Variants in FRMD4B observed in about 807,000 individuals in gnomAD.
FRMD4B encodes FERM domain containing 4B.
FRMD4B carries 74 observed loss-of-function variants against 141.5 expected under a neutral mutation model. The observed-to-expected ratio is 0.52, with a 90% CI of 0.43 to 0.63. FRMD4B has a LOEUF of 0.63. FRMD4B is among the 30% of genes least tolerant of loss of function. The pLI, the probability that FRMD4B is intolerant of heterozygous loss-of-function variation, is 0.00. For synonymous variants in FRMD4B, 506 were observed against 467.9 expected (o/e 1.08, Z -1.05); for missense variants, 1,366 against 1,253.4 (o/e 1.09, Z -1.36).
chr3:69,536,509 T>C, intron 1 of FRMD4B: 1 of 695,410 alleles, frequency 1.4e-6, no homozygotes, highest in Non-Finnish European at 2.7e-6. Flanking sequence ...CTCCCCAGCC[T>C]GCAGCGCCTC....
At chr3:69,484,201 G>A (rs1206179350) in intron 1 of FRMD4B, among the ~76,000 whole-genome samples, 4 of 152,318 alleles carry the variant, frequency 2.6e-5, no homozygotes, top group East Asian at 1.9e-4. Context: ...GGAGTGAAGA[G>A]CAACAGAAGA....
At chr3:69,519,614 G>C (rs1408780761) in intron 1 of FRMD4B, among the ~76,000 whole-genome samples, 1 of 152,002 alleles carries the variant, frequency 6.6e-6, no homozygotes, top group Admixed American at 6.6e-5. Flanking sequence ...AATGTTTCTA[G>C]AATCAAAACC....
chr3:69,352,917 C>T lies in FRMD4B; in HGVS notation c.162+32911G>A, dbSNP rs74573438. Reference sequence around the variant, plus strand: ...GGGCTGCTAATGAGCTCTAGGACACCACGGAATTTTTGTTGCCAAGTGTTC... The same window carrying T: ...GGGCTGCTAATGAGCTCTAGGACACTACGGAATTTTTGTTGCCAAGTGTTC... On this transcript the variant is annotated intron_variant, in intron 1 of 22. Coordinates refer to ENST00000398540, the MANE Select transcript of FRMD4B (RefSeq NM_015123.3). 8.9e-3 allele frequency among the ~76,000 whole-genome samples: 1,351 copies of T among 152,170 alleles called. 22 individuals are homozygous for T. The highest frequency in any genetic ancestry group is 0.031 in the African/African-American group (1,273 of 41,512).
chr3:69,485,524 G>T (rs971421428), intron 1 of FRMD4B, among the ~76,000 whole-genome samples: 3 of 152,196 alleles, frequency 2.0e-5, no homozygotes, highest in African/African-American at 7.2e-5. Context: ...TGCCTGGGTT[G>T]CAGCCACAGC....
chr3:69,420,609 C>T (rs1345773972), intron 2 of FRMD4B, among the ~76,000 whole-genome samples: 1 of 152,166 alleles, frequency 6.6e-6, no homozygotes, highest in Non-Finnish European at 1.5e-5. Context: ...GTTTGATCTG[C>T]TGGGGTTGGT....
intron 22 of FRMD4B, among the ~76,000 whole-genome samples, 173 bp from the exon 23 acceptor site, chr3:69,172,154 G>C (rs1343250989): frequency 3.9e-5 from 6 of 152,162 alleles, no homozygotes; most frequent in African/African-American, 1.2e-4. Flanking sequence ...TGTCATACTG[G>C]AGCATTGTTT....
chr3:69,466,775 T>C (rs537595828), intron 1 of FRMD4B, among the ~76,000 whole-genome samples: 2 of 152,202 alleles, frequency 1.3e-5, no homozygotes, highest in Non-Finnish European at 2.9e-5. Flanking sequence ...TGGCTCACTA[T>C]AGCTTTGACC....
rs778761889 is a variant in FRMD4B, at chr3:69,182,667, G to T, written c.1970C>A (p.Pro657His). The T allele has an allele frequency of 4.3e-6, 7 of 1,613,402 alleles. No homozygotes were observed. The highest frequency in any genetic ancestry group is 2.2e-5 in the South Asian group (2 of 91,074). ...SSPYKTLERR[P>H]QGGRSMPTTP... is the part of the protein sequence containing the mutation. ...GGTGGGCATGCTTCGTCCTCCCTGGGGCCGCCTCTCCAGAGTTTTGTAAGG... is the reference window on the plus strand; with the variant it reads ...GGTGGGCATGCTTCGTCCTCCCTGGTGCCGCCTCTCCAGAGTTTTGTAAGG... Residue 657 changes from proline to histidine, a missense_variant, in exon 20 of 23, where the codon CCC (proline) becomes CAC (histidine). Physicochemically the swap from Pro to His is moderately conservative, Grantham distance 77. Coordinates refer to ENST00000398540, the MANE Select transcript of FRMD4B (RefSeq NM_015123.3).
chr3:69,346,878 A>T (rs4504172), intron 1 of FRMD4B, among the ~76,000 whole-genome samples: 105,256 of 152,022 alleles, frequency 0.69, 37,261 homozygotes, highest in African/African-American at 0.83. Flanking sequence ...TGCAAAATCA[A>T]GCCAAATTGT....
At chr3:69,209,950 A>G (rs1298330012) in intron 11 of FRMD4B, among the ~76,000 whole-genome samples, 1 of 152,242 alleles carries the variant, frequency 6.6e-6, no homozygotes, top group Non-Finnish European at 1.5e-5. Context: ...GCTGTGCTTA[A>G]AGAAATAACC....
intron 7 of FRMD4B, among the ~76,000 whole-genome samples, chr3:69,226,266 C>T (rs1396138125): frequency 6.6e-6 from 1 of 152,140 alleles, no homozygotes. Flanking sequence ...AGAGTTATGG[C>T]TTAACCACAC....
chr3:69,481,768 C>T (rs1379380426), intron 1 of FRMD4B, among the ~76,000 whole-genome samples: 1 of 152,180 alleles, frequency 6.6e-6, no homozygotes, highest in Non-Finnish European at 1.5e-5. Context: ...ATTCAAGAAT[C>T]TGATCCCAGA....
intron 1 of FRMD4B, among the ~76,000 whole-genome samples, chr3:69,438,521 T>G (rs1010056226): frequency 1.3e-5 from 2 of 152,338 alleles, no homozygotes; most frequent in East Asian, 1.9e-4. Context: ...CACTTGAATG[T>G]GTCATTCTGC....
chr3:69,455,390 C>T (rs1328035472), intron 1 of FRMD4B, among the ~76,000 whole-genome samples: 5 of 152,292 alleles, frequency 3.3e-5, no homozygotes, highest in Non-Finnish European at 4.4e-5. Context: ...ACACTCACGG[C>T]AAAGGTCTGC....
At chr3:69,270,569 C>T (rs533695296) in intron 5 of FRMD4B, among the ~76,000 whole-genome samples, 12 of 144,822 alleles carry the variant, frequency 8.3e-5, no homozygotes, top group Admixed American at 2.1e-4. Context: ...TTCTTTTTTT[C>T]TTTTTTTTTT....
intron 1 of FRMD4B, among the ~76,000 whole-genome samples, chr3:69,489,286 A>T (rs1706267320): frequency 6.6e-6 from 1 of 150,604 alleles, no homozygotes; most frequent in African/African-American, 2.4e-5. Context: ...ATGTATACAT[A>T]TATAAATGAG....
intron 2 of FRMD4B, among the ~76,000 whole-genome samples, chr3:69,397,939 G>T (rs1279362392): frequency 6.6e-6 from 1 of 152,094 alleles, no homozygotes; most frequent in Non-Finnish European, 1.5e-5. Context: ...ATCTTAACTT[G>T]TACCTGTATT....
intron 3 of FRMD4B, among the ~76,000 whole-genome samples, chr3:69,306,160 A>G (rs991582963): frequency 2.6e-4 from 40 of 152,380 alleles, no homozygotes; most frequent in African/African-American, 8.2e-4. Context: ...AAAAATGCCC[A>G]TAATTCTACC....
At chr3:69,414,020 A>T (rs186082446) in intron 2 of FRMD4B, among the ~76,000 whole-genome samples, 54 of 152,264 alleles carry the variant, frequency 3.5e-4, no homozygotes, top group African/African-American at 1.3e-3. Context: ...CTTACTAAGG[A>T]TGATGCTGGC....
Sources: gnomAD v4.1 joint callset for allele counts (sites outside exome capture counted in the v4.1 genomes callset) on GRCh38, gnomAD v4.1.1 for gene constraint, MANE v1.5 for transcripts, NCBI Gene and HGNC (gene_info 2026-07-23, HGNC 2026-07-21) for gene names.